Variants in DAB1 observed in about 807,000 individuals in gnomAD.
DAB1 encodes DAB adaptor protein 1.
In DAB1, 15 loss-of-function variants were observed where a neutral mutation model predicts 64.6. The ratio of observed to expected loss-of-function variants is 0.23; its 90% CI spans 0.16 to 0.36. The LOEUF (loss-of-function observed/expected upper bound fraction) is 0.36, where lower values mean the gene tolerates loss of function less well. DAB1 is among the 10% of genes least tolerant of loss of function. The pLI is 1.00. For missense variants in DAB1, 596 were observed against 706.7 expected, an observed-to-expected ratio of 0.84 and a Z score of 1.78; for synonymous variants, 235 against 251.9, an observed-to-expected ratio of 0.93 and a Z score of 0.64.
intron 2 of DAB1, among the ~76,000 whole-genome samples, chr1:57,286,131 T>G (rs1570164904): frequency 6.6e-6 from 1 of 152,242 alleles, no homozygotes; most frequent in East Asian, 1.9e-4. Flanking sequence ...ATAAATCGCC[T>G]GCCTAGAAAC....
At chr1:57,833,945 A>AT (rs1652699723) in intron 1 of DAB1, among the ~76,000 whole-genome samples, 1 of 152,198 alleles carries the variant, frequency 6.6e-6, no homozygotes, top group Admixed American at 6.5e-5. Flanking sequence ...ATTTCATTAC[A>AT]TTTTGCCCAA....
intron 7 of DAB1, among the ~76,000 whole-genome samples, chr1:57,518,670 C>T (rs1489553328): frequency 7.2e-5 from 11 of 152,130 alleles, no homozygotes; most frequent in Admixed American, 7.2e-4. Context: ...CCTGCTTTGG[C>T]GTCAGTAGAG....
intron 1 of DAB1, among the ~76,000 whole-genome samples, chr1:57,857,250 G>A (rs796375388): frequency 5.9e-5 from 9 of 152,298 alleles, no homozygotes; most frequent in African/African-American, 2.2e-4. Context: ...ACTTCTCAAA[G>A]TGCTGAGAAA....
intron 6 of DAB1, among the ~76,000 whole-genome samples, chr1:57,746,744 G>A (rs1444267126): frequency 6.6e-6 from 1 of 152,022 alleles, no homozygotes; most frequent in African/African-American, 2.4e-5. Context: ...TTGTTATATT[G>A]TATCATTTTT....
At chr1:58,430,162 A>G (rs1335992342) in intron 3 of DAB1, among the ~76,000 whole-genome samples, 2 of 152,230 alleles carry the variant, frequency 1.3e-5, no homozygotes, top group Admixed American at 6.5e-5. Context: ...CAAATTCAAC[A>G]TATGAATTTG....
chr1:57,596,087 G>A (rs1167358004), intron 7 of DAB1, among the ~76,000 whole-genome samples: 2 of 152,104 alleles, frequency 1.3e-5, no homozygotes, highest in Non-Finnish European at 2.9e-5. Context: ...TCCTTTAACA[G>A]GTTCTTGTTC....
At chr1:57,466,941 T>C (rs1686972162) in intron 7 of DAB1, among the ~76,000 whole-genome samples, 1 of 152,240 alleles carries the variant, frequency 6.6e-6, no homozygotes, top group Non-Finnish European at 1.5e-5. Flanking sequence ...AAATTCTGTG[T>C]TTAAAAGGCT....
intron 7 of DAB1, among the ~76,000 whole-genome samples, chr1:57,544,044 C>T (rs1318358960): frequency 6.6e-6 from 1 of 152,108 alleles, no homozygotes; most frequent in East Asian, 1.9e-4. Context: ...AAGCCAGAGT[C>T]TGGGGCTACA....
chr1:58,257,745 C>T (rs1296967539), intron 4 of DAB1, among the ~76,000 whole-genome samples: 1 of 152,180 alleles, frequency 6.6e-6, no homozygotes, highest in Non-Finnish European at 1.5e-5. Flanking sequence ...CTCTACAAAA[C>T]AGACATTAGC....
chr1:57,550,095 T>C (rs747116966), intron 7 of DAB1, among the ~76,000 whole-genome samples: 4 of 152,180 alleles, frequency 2.6e-5, no homozygotes, highest in Non-Finnish European at 5.9e-5. Flanking sequence ...TGGTGCAGAT[T>C]CTGGGGCCCT....
intron 4 of DAB1, among the ~76,000 whole-genome samples, chr1:58,184,370 G>A (rs1450241202): frequency 6.6e-6 from 1 of 150,896 alleles, no homozygotes; most frequent in Non-Finnish European, 1.5e-5. Context: ...TAGATTTTCT[G>A]AAAATAAGCA....
intron 13 of DAB1, 22 bp from the exon 14 acceptor site, chr1:57,010,812 C>G: frequency 4.2e-6 from 6 of 1,432,602 alleles, no homozygotes; most frequent in Non-Finnish European, 5.6e-6. Flanking sequence ...GAAGATAATA[C>G]TTTTTTTTTT....
chr1:57,160,972 C>T (rs1337179037), intron 2 of DAB1, among the ~76,000 whole-genome samples: 1 of 152,096 alleles, frequency 6.6e-6, no homozygotes, highest in Non-Finnish European at 1.5e-5. Flanking sequence ...GACGCCTTTG[C>T]TGCAACTGCA....
intron 5 of DAB1, among the ~76,000 whole-genome samples, chr1:57,995,511 G>A (rs1203820503): frequency 1.3e-5 from 2 of 152,172 alleles, no homozygotes; most frequent in African/African-American, 4.8e-5. Context: ...TATATTTAAT[G>A]AGGCACTCTA....
intron 1 of DAB1, among the ~76,000 whole-genome samples, chr1:57,306,434 A>G (rs1674179068): frequency 6.6e-6 from 1 of 151,376 alleles, no homozygotes; most frequent in South Asian, 2.1e-4. Context: ...TGAAATCCCC[A>G]CAATACTATT....
rs1336029582 is a variant in DAB1, at chr1:57,608,393, A to AG, written n.625+41198_625+41199insC. Among the ~76,000 whole-genome samples, 87 of 151,560 alleles carry AG rather than the reference A, an allele frequency of 5.7e-4. No individual in the cohort carries two copies. The East Asian group carries it at 9.1e-3, about 16-fold the overall frequency. On this transcript the variant is annotated intron_variant and non_coding_transcript_variant, in intron 7 of 20. Coordinates refer to the DAB1 transcript ENST00000485760. ...CCAACATGCTGTGAAGATATTAAAA[A>AG]AAGAGAGAGAGAGAGAGAGAAATGC... is the stretch of plus-strand genomic sequence containing the variant.
At chr1:57,542,611 T>A (rs1644815085) in intron 7 of DAB1, among the ~76,000 whole-genome samples, 1 of 151,778 alleles carries the variant, frequency 6.6e-6, no homozygotes. Context: ...CCAGAGACCT[T>A]GGATTTATCC....
At chr1:57,754,504 G>A (rs902671669) in intron 6 of DAB1, among the ~76,000 whole-genome samples, 3 of 151,852 alleles carry the variant, frequency 2.0e-5, no homozygotes, top group African/African-American at 7.3e-5. Context: ...TGGCCAAGAT[G>A]GTAAAACCCC....
At chr1:58,505,840 T>C (rs1402678362) in intron 3 of DAB1, among the ~76,000 whole-genome samples, 1 of 152,160 alleles carries the variant, frequency 6.6e-6, no homozygotes, top group East Asian at 1.9e-4. Context: ...CCTTCACTAT[T>C]AAGAAAAGTC....
Sources: allele counts gnomAD v4.1 joint callset (sites outside exome capture counted in the v4.1 genomes callset), GRCh38; gene constraint gnomAD v4.1.1; transcripts MANE v1.5; gene names NCBI Gene and HGNC (gene_info 2026-07-23, HGNC 2026-07-21).